The following TPD52L1 variants were observed in gnomAD, a reference collection of about 807,000 sequenced individuals.
The protein encoded by TPD52L1 is tumor protein D53.
A neutral mutation model predicts 28.7 loss-of-function variants in TPD52L1; 18 were observed. That is an observed-to-expected ratio of 0.63 (90% confidence interval 0.43 to 0.93). The LOEUF (loss-of-function observed/expected upper bound fraction) is 0.93, where lower values mean the gene tolerates loss of function less well. TPD52L1 is among the 40% of genes least tolerant of loss of function. TPD52L1 has a pLI of 0.00. For synonymous variants in TPD52L1, 75 were observed against 88.8 expected, an observed-to-expected ratio of 0.84 and a Z score of 0.88; for missense variants, 203 against 254.8, an observed-to-expected ratio of 0.80 and a Z score of 1.39.
chr6:125,221,040 C>A (rs990634393), intron 2 of TPD52L1, among the ~76,000 whole-genome samples: 1 of 152,182 alleles, frequency 6.6e-6, no homozygotes, highest in Non-Finnish European at 1.5e-5. Flanking sequence ...GCTGAGGACA[C>A]AGCTCTGAGC....
At chr6:125,195,640 T>G (rs1318546108) in intron 1 of TPD52L1, among the ~76,000 whole-genome samples, 1 of 152,218 alleles carries the variant, frequency 6.6e-6, no homozygotes, top group Non-Finnish European at 1.5e-5. Flanking sequence ...AACAGGCATC[T>G]TTTTGATCCT....
At chr6:125,260,981 GAAAAGAAAGAAAGAAAGAAAGAAAGAAA>G (rs1797961571) in intron 6 of TPD52L1, 7 of 55,450 alleles carry the variant, frequency 1.3e-4, no homozygotes, top group Non-Finnish European at 2.2e-4. Flanking sequence ...AGAAAGAAAA[GAAAAGAAAGAAAGAAAGAAAGAAAGAAA>G]GAAAGAAAGA....
intron 6 of TPD52L1, chr6:125,261,015 A>T (rs1322774358): frequency 1.1e-4 from 5 of 44,430 alleles, no homozygotes; most frequent in African/African-American, 1.0e-3. Context: ...AGAAAGAAAG[A>T]AAGAAAAGAA....
chr6:125,158,357 A>G (rs989330931), intron 1 of TPD52L1, among the ~76,000 whole-genome samples: 32 of 152,224 alleles, frequency 2.1e-4, no homozygotes, highest in African/African-American at 7.7e-4. Context: ...TGAAAATGTC[A>G]TTATACTTTA....
At chr6:125,245,917 T>C (rs978061286) in intron 3 of TPD52L1, among the ~76,000 whole-genome samples, 2 of 152,198 alleles carry the variant, frequency 1.3e-5, no homozygotes, top group African/African-American at 4.8e-5. Flanking sequence ...CCTGCCCTCA[T>C]ATCTGCAGCA....
chr6:125,219,702 C>T lies in TPD52L1; in HGVS notation c.20-376C>T, dbSNP rs1795100881. The T allele has an allele frequency of 1.7e-5, 5 of 298,010 alleles. No homozygotes were observed. The South Asian group carries it at 1.7e-4, about 10-fold the overall frequency. The allele number at this position is 298,010 out of a possible 1,614,324, so 18.5% of individuals were successfully genotyped here. On this transcript the variant is annotated intron_variant, in intron 1 of 6. Coordinates refer to ENST00000534000, the MANE Select transcript of TPD52L1 (RefSeq NM_003287.4). Reference sequence around the variant, plus strand: ...TGCAGCCCTTGGGGCCTACAATTTACACAGGAATCTCACATTAAACCCCTC... The same window carrying T: ...TGCAGCCCTTGGGGCCTACAATTTATACAGGAATCTCACATTAAACCCCTC...
intron 1 of TPD52L1, among the ~76,000 whole-genome samples, chr6:125,163,406 A>C (rs1790652844): frequency 6.6e-6 from 1 of 151,730 alleles, no homozygotes; most frequent in African/African-American, 2.4e-5. Flanking sequence ...ACATAGCAAA[A>C]CCCTGCTTCT....
At chr6:125,226,012 G>A (rs779841808) in intron 2 of TPD52L1, among the ~76,000 whole-genome samples, 1 of 152,222 alleles carries the variant, frequency 6.6e-6, no homozygotes, top group Non-Finnish European at 1.5e-5. Flanking sequence ...GTATTTGTAA[G>A]TAAAGACCTC....
intron 1 of TPD52L1, 184 bp from the exon 2 acceptor site, chr6:125,219,894 T>C: frequency 1.5e-6 from 1 of 645,318 alleles, no homozygotes; most frequent in Non-Finnish European, 2.8e-6. Flanking sequence ...TTTTGGCTTC[T>C]TGGTATTCTT....
At chr6:125,157,607 A>C (rs1000690838) in intron 1 of TPD52L1, among the ~76,000 whole-genome samples, 1 of 152,202 alleles carries the variant, frequency 6.6e-6, no homozygotes, top group Non-Finnish European at 1.5e-5. Context: ...TTGGAAATGT[A>C]GCATTTTCCC....
chr6:125,187,541 G>C (rs1792723672), intron 1 of TPD52L1, among the ~76,000 whole-genome samples: 1 of 152,168 alleles, frequency 6.6e-6, no homozygotes, highest in Admixed American at 6.6e-5. Flanking sequence ...AGCAATGTTT[G>C]AATACATGCG....
intron 1 of TPD52L1, among the ~76,000 whole-genome samples, chr6:125,217,339 T>C (rs1337478592): frequency 1.3e-5 from 2 of 152,140 alleles, no homozygotes; most frequent in South Asian, 2.1e-4. Context: ...CTCACCATAA[T>C]GTAAAATCAG....
At chr6:125,194,544 T>G (rs1405028908) in intron 1 of TPD52L1, among the ~76,000 whole-genome samples, 2 of 152,202 alleles carry the variant, frequency 1.3e-5, no homozygotes, top group Non-Finnish European at 1.5e-5. Flanking sequence ...TAGGTTCCCC[T>G]GGAACCCTGA....
chr6:125,155,233 C>G (rs1017333976), intron 1 of TPD52L1, among the ~76,000 whole-genome samples: 14 of 152,236 alleles, frequency 9.2e-5, no homozygotes, highest in Non-Finnish European at 1.6e-4. Context: ...GGCCTTCACG[C>G]CAGAACTGAA....
At chr6:125,215,963 G>C (rs1794837992) in intron 1 of TPD52L1, among the ~76,000 whole-genome samples, 1 of 152,080 alleles carries the variant, frequency 6.6e-6, no homozygotes, top group Admixed American at 6.6e-5. Context: ...TAAGTCCTTG[G>C]GCCAGGCTGA....
intron 1 of TPD52L1, among the ~76,000 whole-genome samples, chr6:125,180,784 T>C (rs1172579640): frequency 6.6e-6 from 1 of 152,240 alleles, no homozygotes; most frequent in African/African-American, 2.4e-5. Flanking sequence ...AAAAATGTTT[T>C]CTATTTACTT....
rs950280104 is a variant in TPD52L1 at position 125,263,276 on chromosome 6, G to A, written c.*314G>A. 7.1e-6 allele frequency: 2 copies of A among 281,818 alleles called. No homozygotes were observed. Among genetic ancestry groups the A allele is most frequent in the Admixed American group, 4.9e-5 (1 of 20,372 alleles). The allele number at this position is 281,818 out of a possible 1,614,324, so 17.5% of individuals were successfully genotyped here. A position where few individuals can be genotyped will look rare whatever the true frequency, so the allele number is the denominator to read the frequency against. On this transcript the variant is annotated 3_prime_UTR_variant, in exon 7 of 7. Coordinates refer to ENST00000534000, the MANE Select transcript of TPD52L1 (RefSeq NM_003287.4). ...ATATTTTTCCAAACATGTAGCTATTGTTTGCTTTGATTTTTGCTTGGCCTC... is the reference window on the plus strand; with the variant it reads ...ATATTTTTCCAAACATGTAGCTATTATTTGCTTTGATTTTTGCTTGGCCTC...
At chr6:125,251,087 A>G (rs1036337280) in intron 4 of TPD52L1, among the ~76,000 whole-genome samples, 2 of 149,734 alleles carry the variant, frequency 1.3e-5, no homozygotes, top group Admixed American at 6.6e-5. Flanking sequence ...TAATATAAAT[A>G]AAAGTCATTT....
At chr6:125,164,842 C>T (rs1038956104) in intron 1 of TPD52L1, among the ~76,000 whole-genome samples, 2 of 152,036 alleles carry the variant, frequency 1.3e-5, no homozygotes, top group African/African-American at 4.8e-5. Context: ...GAAAAGAGGG[C>T]ATCTGCCTCA....
Sources: gnomAD v4.1 joint callset for allele counts (sites outside exome capture counted in the v4.1 genomes callset) on GRCh38, gnomAD v4.1.1 for gene constraint, MANE v1.5 for transcripts, NCBI Gene and HGNC (gene_info 2026-07-23, HGNC 2026-07-21) for gene names.